The following ABCA13 variants were observed in gnomAD, a reference collection of about 807,000 sequenced individuals.
ABCA13 encodes ATP-binding cassette sub-family A member 13.
Under a neutral mutation model 478.7 loss-of-function variants are expected in ABCA13, and 476 were observed. The ratio of observed to expected loss-of-function variants is 0.99; its 90% confidence interval spans 0.92 to 1.07. The LOEUF (loss-of-function observed/expected upper bound fraction) is 1.07, where lower values mean the gene tolerates loss of function less well. ABCA13 is among the 50% of genes least tolerant of loss of function. The pLI, the probability that ABCA13 is intolerant of heterozygous loss-of-function variation, is 0.00. For missense variants in ABCA13, 6,060 were observed against 5,910.6 expected (o/e 1.03, Z -0.83); for synonymous variants, 2,252 against 2,158.9 (o/e 1.04, Z -1.20).
chr7:48,323,212 C>T (rs576853680), intron 27 of ABCA13, among the ~76,000 whole-genome samples: 6 of 152,258 alleles, frequency 3.9e-5, no homozygotes, highest in East Asian at 1.9e-4. Flanking sequence ...TATTATTTGT[C>T]GCCTGCTGTA....
chr7:48,237,009 A>AG lies in ABCA13; in HGVS notation c.898-2229dup, dbSNP rs201495204. Among the ~76,000 whole-genome samples, 268 of 92,950 alleles carry AG rather than the reference A, an allele frequency of 2.9e-3. 19 individuals carry two copies. The highest frequency in any genetic ancestry group is 0.013 in the East Asian group (48 of 3,710). The allele number at this position is 92,950 out of a possible 152,430, so 61.0% of individuals were successfully genotyped here. On this transcript the variant is annotated intron_variant, in intron 8 of 61. Coordinates refer to ENST00000435803, the MANE Select transcript of ABCA13 (RefSeq NM_152701.5). The stretch of plus-strand genomic sequence containing the variant: ...CAGCCTCCTTGAGAACTCAGAGGGT[A>AG]GGGTTTTTTTTTTTTTTTTTTTTTT...
intron 29 of ABCA13, among the ~76,000 whole-genome samples, chr7:48,347,670 A>G (rs1808321462): frequency 1.3e-5 from 2 of 152,164 alleles, no homozygotes. Flanking sequence ...GGTTAGGTGG[A>G]GGTGGGGCTG....
rs1328899124 is a variant in ABCA13, at chr7:48,455,121, G to T, written c.12650G>T (p.Arg4217Leu). 6.4e-7 allele frequency: 1 copy of T among 1,562,376 alleles called. No individual in the cohort carries two copies. Among genetic ancestry groups the T allele is most frequent in the Admixed American group, 1.9e-5 (1 of 52,778 alleles). The change falls in exon 43 of 62, where the codon CGC (arginine) becomes CTC (leucine). Residue 4217 changes from arginine to leucine, a missense_variant. By Grantham distance (102) the Arg-to-Leu change is moderately radical. This residue lies in a region of ABCA13 where 1,627 missense variants were observed against 1,571.0 expected (regional missense o/e 1.04). Coordinates refer to ENST00000435803, the MANE Select transcript of ABCA13 (RefSeq NM_152701.5). ...QVAAILARRL[R>L]RTLRAGKSTL... Reference sequence around the variant, plus strand: ...GCCGCGATCCTGGCCCGGAGGCTCCGCCGCACGCTGCGCGCCGGGAAGAGC... The same window carrying T: ...GCCGCGATCCTGGCCCGGAGGCTCCTCCGCACGCTGCGCGCCGGGAAGAGC...
At chr7:48,319,527 C>A (rs1803102741) in intron 27 of ABCA13, among the ~76,000 whole-genome samples, 1 of 152,222 alleles carries the variant, frequency 6.6e-6, no homozygotes, top group Admixed American at 6.5e-5. Context: ...ATATTATCTA[C>A]AGTGTTGGAG....
At chr7:48,284,181 T>A (rs1050858298) in intron 19 of ABCA13, among the ~76,000 whole-genome samples, 3 of 152,328 alleles carry the variant, frequency 2.0e-5, no homozygotes, top group African/African-American at 7.2e-5. Flanking sequence ...TCCCTTTTTT[T>A]GTAATACAAA....
At chr7:48,340,736 C>G (rs538619302) in intron 29 of ABCA13, among the ~76,000 whole-genome samples, 1 of 152,284 alleles carries the variant, frequency 6.6e-6, no homozygotes, top group South Asian at 2.1e-4. Flanking sequence ...TTGTTCAACA[C>G]ATTGCTGCTT....
chr7:48,537,278 C>A (rs1253680124), intron 55 of ABCA13, among the ~76,000 whole-genome samples: 1 of 152,056 alleles, frequency 6.6e-6, no homozygotes, highest in Non-Finnish European at 1.5e-5. Context: ...AATAAAAAAT[C>A]AAATTATGAG....
intron 55 of ABCA13, among the ~76,000 whole-genome samples, chr7:48,530,850 G>A (rs1199919827): frequency 1.3e-5 from 2 of 151,952 alleles, no homozygotes; most frequent in Non-Finnish European, 2.9e-5. Context: ...TTTCTTTCCT[G>A]CTGATTTGTT....
intron 8 of ABCA13, among the ~76,000 whole-genome samples, chr7:48,235,479 G>A (rs1789808842): frequency 1.3e-5 from 2 of 152,206 alleles, no homozygotes; most frequent in South Asian, 4.1e-4. Flanking sequence ...GAGCTCCATG[G>A]AAATTGTACA....
At chr7:48,450,290 T>C (rs1824830299) in intron 42 of ABCA13, among the ~76,000 whole-genome samples, 1 of 152,232 alleles carries the variant, frequency 6.6e-6, no homozygotes, top group Non-Finnish European at 1.5e-5. Context: ...CATAAAATCA[T>C]GCTTTATTTC....
intron 42 of ABCA13, among the ~76,000 whole-genome samples, chr7:48,443,579 G>T (rs568230358): frequency 2.6e-5 from 4 of 152,112 alleles, no homozygotes; most frequent in Admixed American, 2.0e-4. Flanking sequence ...GTTACTCATC[G>T]CATGGTTTTC....
intron 47 of ABCA13, among the ~76,000 whole-genome samples, chr7:48,485,473 T>G (rs150998195): frequency 1.3e-5 from 2 of 152,210 alleles, no homozygotes; most frequent in East Asian, 1.9e-4. Flanking sequence ...AAGAAAGAAA[T>G]AAAAGCTTTT....
rs1222104700 is a variant in ABCA13 at position 48,249,338 on chromosome 7, G to A, written c.1992G>A (p.Gln664=). ...ATGTAAATATGCAAGAGAGTTTCCAGAACAGACTATTGGGTAAGTCAGTAG... is the reference window on the plus strand; with the variant it reads ...ATGTAAATATGCAAGAGAGTTTCCAAAACAGACTATTGGGTAAGTCAGTAG... ...AQYVNMQESF[Q]NRLLAFPEES... is the part of the protein sequence containing the mutation. Residue 664 remains glutamine, a synonymous_variant, in exon 15 of 62, where the codon CAG becomes CAA. Coordinates refer to ENST00000435803, the MANE Select transcript of ABCA13 (RefSeq NM_152701.5). The A allele has an allele frequency of 6.2e-7, 1 of 1,613,108 alleles. No individual in the cohort carries two copies. The highest frequency in any genetic ancestry group is 1.7e-5 in the Admixed American group (1 of 59,982).
chr7:48,453,799 T>C (rs912196128), intron 42 of ABCA13, among the ~76,000 whole-genome samples: 1 of 152,158 alleles, frequency 6.6e-6, no homozygotes, highest in African/African-American at 2.4e-5. Flanking sequence ...GCTGGGTTAT[T>C]TCTTTACATT....
At chr7:48,345,977 A>C (rs180768545) in intron 29 of ABCA13, among the ~76,000 whole-genome samples, 173 of 152,328 alleles carry the variant, frequency 1.1e-3, no homozygotes, top group Non-Finnish European at 7.9e-4. Flanking sequence ...AGATAAACAA[A>C]TCCTTACCAT....
At chr7:48,238,525 G>A (rs1044872947) in intron 8 of ABCA13, among the ~76,000 whole-genome samples, 34 of 150,892 alleles carry the variant, frequency 2.3e-4, no homozygotes, top group South Asian at 4.2e-4. Context: ...CTGGAGTGCA[G>A]TGGCACGATC....
intron 56 of ABCA13, among the ~76,000 whole-genome samples, chr7:48,582,464 A>C (rs1585878466): frequency 1.3e-5 from 2 of 152,174 alleles, no homozygotes; most frequent in East Asian, 1.9e-4. Context: ...CCAGGCTTTC[A>C]GAACTCATAG....
chr7:48,316,655 C>T (rs1802630237), intron 26 of ABCA13, among the ~76,000 whole-genome samples: 2 of 152,198 alleles, frequency 1.3e-5, no homozygotes, highest in Admixed American at 6.5e-5. Context: ...GTTTGGCTCA[C>T]AGTTCTGCAG....
intron 58 of ABCA13, among the ~76,000 whole-genome samples, chr7:48,605,699 C>T (rs973968826): frequency 2.6e-5 from 4 of 152,128 alleles, no homozygotes; most frequent in African/African-American, 9.7e-5. Context: ...CTTGGGGTTG[C>T]TCTTCTCAAG....
Sources: gnomAD v4.1 joint callset for allele counts (sites outside exome capture counted in the v4.1 genomes callset) on GRCh38, gnomAD v4.1.1 for gene constraint, gnomAD v4.1.1 regional missense constraint, MANE v1.5 for transcripts, NCBI Gene and HGNC (gene_info 2026-07-23, HGNC 2026-07-21) for gene names.